The following AXL variants were observed in gnomAD, a reference collection of about 807,000 sequenced individuals.
The protein encoded by AXL is AXL receptor tyrosine kinase.
Under a neutral mutation model 104.5 loss-of-function variants are expected in AXL, and 52 were observed. The observed-to-expected ratio is 0.50, with a 90% CI of 0.40 to 0.63. The LOEUF is 0.63. AXL is among the 20% of genes least tolerant of loss of function. AXL has a pLI of 0.00. For missense variants in AXL, 1,024 were observed against 1,188.5 expected (o/e 0.86, Z 2.04); for synonymous variants, 455 against 473.7 (o/e 0.96, Z 0.51).
intron 12 of AXL, among the ~76,000 whole-genome samples, chr19:41,245,389 C>A (rs2034254698): frequency 6.6e-6 from 1 of 152,186 alleles, no homozygotes; most frequent in Non-Finnish European, 1.5e-5. Context: ...GAAAGCCATG[C>A]AAGGTCTCAG....
intron 4 of AXL, chr19:41,226,838 C>A: frequency 1.0e-6 from 1 of 975,256 alleles, no homozygotes; most frequent in Non-Finnish European, 1.2e-6. Flanking sequence ...GCTCTGCCTG[C>A]GATCCAGCAC....
chr19:41,256,072 G>A (rs1232855123), intron 17 of AXL, among the ~76,000 whole-genome samples: 2 of 140,734 alleles, frequency 1.4e-5, no homozygotes, highest in African/African-American at 2.6e-5. Context: ...CTGGGTGCTG[G>A]TTACATGGGT....
chr19:41,258,693 G>C (rs1420475552), intron 19 of AXL, among the ~76,000 whole-genome samples: 3 of 152,202 alleles, frequency 2.0e-5, no homozygotes, highest in Non-Finnish European at 4.4e-5. Flanking sequence ...TGGGATTATA[G>C]GCATGAGCCT....
At chr19:41,242,311 C>T (rs1023633374) in intron 10 of AXL, among the ~76,000 whole-genome samples, 5 of 141,582 alleles carry the variant, frequency 3.5e-5, no homozygotes, top group African/African-American at 5.4e-5. Flanking sequence ...TATCCTGGCA[C>T]TCTCTTTTTT....
In AXL at chr19:41,238,032, C is replaced by T. The variant is rs758164020; in HGVS notation, c.872C>T (p.Pro291Leu). The T allele has an allele frequency of 3.7e-6, 6 of 1,614,012 alleles. No homozygotes were observed. The highest frequency in any genetic ancestry group is 4.2e-6 in the Non-Finnish European group (5 of 1,179,982). The change falls in exon 7 of 20, where the codon CCC (proline) becomes CTC (leucine). Residue 291 changes from proline to leucine, a missense_variant. Coordinates refer to ENST00000301178, the MANE Select transcript of AXL (RefSeq NM_021913.5). The part of the protein sequence containing the change: ...EPLTSQASVP[P>L]HQLRLGSLHP... The stretch of plus-strand genomic sequence containing the variant: ...CTCACCTCGCAAGCATCCGTGCCCC[C>T]CCATCAGCTTCGGCTAGGCAGCCTC...
rs2304234 is a variant in AXL, at chr19:41,242,848, T to C, written c.1313-35T>C. 0.42 allele frequency: 676,864 copies of C among 1,611,472 alleles called. 145,337 individuals carry two copies. Among genetic ancestry groups the C allele is most frequent in the African/African-American group, 0.61 (45,946 of 74,882 alleles). ...GGTCCCAGAGAGCTGGATCCAAGGCTTCATCCATGACCTGTTCCTCATACC... is the reference window on the plus strand; with the variant it reads ...GGTCCCAGAGAGCTGGATCCAAGGCCTCATCCATGACCTGTTCCTCATACC... On this transcript the variant is annotated intron_variant, in intron 10 of 19. Transcript: ENST00000301178.
intron 17 of AXL, among the ~76,000 whole-genome samples, chr19:41,255,401 C>T (rs1421898793): frequency 6.9e-6 from 1 of 144,486 alleles, no homozygotes; most frequent in African/African-American, 2.6e-5. Context: ...TCCTTCCTTC[C>T]CTCCCTCCCT....
chr19:41,239,089 G>A, intron 8 of AXL, 75 bp from the exon 9 acceptor site: 6 of 1,548,618 alleles, frequency 3.9e-6, no homozygotes, highest in Non-Finnish European at 3.5e-6. Flanking sequence ...AAGAGATGGG[G>A]CATTGAGCCC....
chr19:41,222,003 T>A lies in AXL; in HGVS notation c.533T>A (p.Val178Asp). Residue 178 changes from valine (V) to aspartate (D), a missense_variant, in exon 4 of 20, where the codon GTC (valine) becomes GAC (aspartate). Val to Asp is a radical substitution (Grantham distance 152). Transcript: ENST00000301178. ...PVDLLWLQDA[V>D]PLATAPGHGP... is the part of the protein sequence containing the mutation. ...GACCTACTCTGGCTCCAGGATGCTG[T>A]CCCCCTGGCCACGGCTCCAGGTCAC... The A allele has an allele frequency of 1.2e-6, 2 of 1,607,218 alleles. No homozygotes were observed. The highest frequency in any genetic ancestry group is 1.1e-5 in the South Asian group (1 of 89,904).
chr19:41,246,389 G>T (rs1014018352), intron 12 of AXL, among the ~76,000 whole-genome samples: 2 of 151,682 alleles, frequency 1.3e-5, no homozygotes, highest in Non-Finnish European at 2.9e-5. Context: ...GGATGTTGCA[G>T]CAAGCTGAGG....
intron 4 of AXL, chr19:41,226,935 A>C (rs2033892429): frequency 2.7e-6 from 1 of 366,894 alleles, no homozygotes; most frequent in Non-Finnish European, 3.8e-6. Flanking sequence ...TCTTCTCTAC[A>C]AAAAAAAATT....
chr19:41,241,115 A>ACT (rs1332014191), intron 10 of AXL, among the ~76,000 whole-genome samples: 5 of 151,556 alleles, frequency 3.3e-5, no homozygotes. Flanking sequence ...TTCCTTGCTC[A>ACT]CTCCTTGTAT....
At chr19:41,243,587 T>C (rs761435191) in intron 11 of AXL, 29 bp from the exon 12 acceptor site, 1 of 1,577,262 alleles carries the variant, frequency 6.3e-7, no homozygotes, top group South Asian at 1.1e-5. Flanking sequence ...GGTTTTTCCC[T>C]GCCCTCACCT....
intron 7 of AXL, 67 bp downstream of exon 7, chr19:41,238,221 C>T (rs2034117133): frequency 6.4e-7 from 1 of 1,551,844 alleles, no homozygotes; most frequent in Non-Finnish European, 8.9e-7. Context: ...CAGTGCCACC[C>T]CCATTGTCCC....
intron 10 of AXL, among the ~76,000 whole-genome samples, chr19:41,242,315 CTTTTTTTT>C (rs574315254): frequency 7.2e-5 from 6 of 83,882 alleles, no homozygotes; most frequent in Non-Finnish European, 1.0e-4. Context: ...CTGGCACTCT[CTTTTTTTT>C]TTTTTTTTTT....
At chr19:41,220,971 T>C in intron 2 of AXL, 113 bp downstream of exon 2, 3 of 1,320,098 alleles carry the variant, frequency 2.3e-6, no homozygotes, top group East Asian at 4.9e-5. Context: ...GCTTTGAGCA[T>C]GTGATGGAAC....
intron 14 of AXL, 98 bp from the exon 15 acceptor site, chr19:41,252,253 T>C: frequency 1.0e-6 from 1 of 1,002,388 alleles, no homozygotes; most frequent in South Asian, 1.4e-5. Context: ...TTGATGAAGA[T>C]GAGTGATGAT....
At chr19:41,255,127 T>C (rs559309176) in intron 17 of AXL, among the ~76,000 whole-genome samples, 1 of 152,312 alleles carries the variant, frequency 6.6e-6, no homozygotes, top group East Asian at 1.9e-4. Context: ...TAGCCTGTTC[T>C]GAAAAGTCAT....
chr19:41,239,736 C>G lies in AXL; in HGVS notation c.1312+16C>G. The G allele has an allele frequency of 6.2e-7, 1 of 1,614,098 alleles. No individual in the cohort carries two copies. Among genetic ancestry groups the G allele is most frequent in the Non-Finnish European group, 8.5e-7 (1 of 1,179,992 alleles). On this transcript the variant is annotated intron_variant, in intron 10 of 19. Coordinates refer to ENST00000301178, the MANE Select transcript of AXL (RefSeq NM_021913.5). ...CACCAGCTGGGTAAGGGCTTCCACA[C>G]CCCATCTCCTCCTTCCCTACCCTCA...
Sources: gnomAD v4.1 joint callset for allele counts (sites outside exome capture counted in the v4.1 genomes callset) on GRCh38, gnomAD v4.1.1 for gene constraint, MANE v1.5 for transcripts, NCBI Gene and HGNC (gene_info 2026-07-23, HGNC 2026-07-21) for gene names.